The following NEK1 variants were observed in gnomAD, a reference collection of about 807,000 sequenced individuals.
NEK1 encodes NIMA related kinase 1.
NEK1 carries 137 observed loss-of-function variants against 182.1 expected under a neutral mutation model. The ratio of observed to expected loss-of-function variants is 0.75; its 90% confidence interval spans 0.65 to 0.87. The LOEUF (loss-of-function observed/expected upper bound fraction) is 0.87, where lower values mean the gene tolerates loss of function less well. Among genes scored for constraint, NEK1 ranks in the 40% least tolerant of loss-of-function variants. NEK1 has a pLI of 0.00. For missense variants in NEK1, 1,391 were observed against 1,494.4 expected, an observed-to-expected ratio of 0.93 and a Z score of 1.14; for synonymous variants, 513 against 492.2, an observed-to-expected ratio of 1.04 and a Z score of -0.56.
At chr4:169,529,268 T>C (rs1290994654) in intron 19 of NEK1, among the ~76,000 whole-genome samples, 1 of 150,772 alleles carries the variant, frequency 6.6e-6, no homozygotes, top group Non-Finnish European at 1.5e-5. Flanking sequence ...CATAGATATG[T>C]ATAACTATTA....
intron 26 of NEK1, among the ~76,000 whole-genome samples, chr4:169,465,454 T>C (rs974745726): frequency 6.6e-6 from 1 of 151,810 alleles, no homozygotes; most frequent in Non-Finnish European, 1.5e-5. Context: ...AAGATAGGAG[T>C]ACTGAAGTAA....
intron 5 of NEK1, among the ~76,000 whole-genome samples, chr4:169,596,464 T>C (rs1183929881): frequency 1.3e-5 from 2 of 152,132 alleles, no homozygotes; most frequent in Non-Finnish European, 2.9e-5. Context: ...AAGGCAAAAA[T>C]ACTGGTACAT....
rs570814273 is a variant in NEK1, at chr4:169,560,045, T to C, written c.1266+1435A>G. Among the ~76,000 whole-genome samples, 9 of 152,296 alleles carry C rather than the reference T, an allele frequency of 5.9e-5. No individual in the cohort carries two copies. The East Asian group carries it at 1.2e-3, about 20-fold the overall frequency. On this transcript the variant is annotated intron_variant, in intron 16 of 35. Coordinates refer to ENST00000507142, the MANE Select transcript of NEK1 (RefSeq NM_001199397.3). ...AAAGATGTATTGACTTACAGTTTAT[T>C]CAATGATACAAATTAGTGCATTCAT...
chr4:169,558,068 T>G (rs1244592316), intron 16 of NEK1, among the ~76,000 whole-genome samples: 1 of 152,170 alleles, frequency 6.6e-6, no homozygotes, highest in Non-Finnish European at 1.5e-5. Flanking sequence ...ATCCTCAAAA[T>G]GTACATCTGA....
intron 16 of NEK1, among the ~76,000 whole-genome samples, 193 bp downstream of exon 16, chr4:169,561,287 T>A (rs1271337550): frequency 2.0e-5 from 3 of 152,200 alleles, no homozygotes; most frequent in African/African-American, 7.2e-5. Context: ...TATAGTCACA[T>A]AACAGCAACA....
At chr4:169,524,814 T>C (rs1339872781) in intron 19 of NEK1, among the ~76,000 whole-genome samples, 3 of 152,226 alleles carry the variant, frequency 2.0e-5, no homozygotes, top group Admixed American at 6.5e-5. Context: ...ATGAACGTTA[T>C]GGGAAATTCT....
intron 27 of NEK1, among the ~76,000 whole-genome samples, 175 bp downstream of exon 27, chr4:169,463,068 C>A (rs980971123): frequency 1.3e-5 from 2 of 152,062 alleles, no homozygotes; most frequent in African/African-American, 4.8e-5. Flanking sequence ...AAACTCAAGA[C>A]TACCATTTGG....
chr4:169,409,048 A>G (rs967037386), intron 31 of NEK1, among the ~76,000 whole-genome samples: 1 of 152,190 alleles, frequency 6.6e-6, no homozygotes, highest in Non-Finnish European at 1.5e-5. Flanking sequence ...GAAACTCCAT[A>G]CTGTGTTCCA....
At chr4:169,510,026 T>A (rs1753924197) in intron 19 of NEK1, among the ~76,000 whole-genome samples, 1 of 152,200 alleles carries the variant, frequency 6.6e-6, no homozygotes, top group Non-Finnish European at 1.5e-5. Context: ...AAATGTTCTA[T>A]AATTCACACA....
rs369056831 is a variant in NEK1 at position 169,602,060 on chromosome 4, T to C, written c.162A>G (p.Val54=). 37 of 1,613,522 alleles carry C rather than the reference T, an allele frequency of 2.3e-5. No individual in the cohort carries two copies. In the African/African-American group the frequency reaches 3.6e-4, roughly 16 times the overall value. The change falls in exon 4 of 36, where the codon GTA becomes GTG. Residue 54 remains valine, a synonymous_variant. Transcript: ENST00000507142. ...EREESRREVA[V]LANMKHPNIV... is the part of the protein sequence containing the mutation. ...TATTTGGATGCTTCATGTTTGCCAA[T>C]ACTGCAACTTCTCTCCTTGATTCTT...
chr4:169,605,425 G>A (rs1771177338), intron 2 of NEK1, among the ~76,000 whole-genome samples: 1 of 152,144 alleles, frequency 6.6e-6, no homozygotes, highest in South Asian at 2.1e-4. Flanking sequence ...CAGGAAAACA[G>A]ACAAACTCTC....
intron 12 of NEK1, among the ~76,000 whole-genome samples, chr4:169,575,258 C>T (rs1334123810): frequency 1.2e-4 from 18 of 152,232 alleles, no homozygotes. Flanking sequence ...CCCCTCAGCT[C>T]CAAATCTACT....
chr4:169,488,543 TGTACCA>T (rs1314637146), intron 23 of NEK1, among the ~76,000 whole-genome samples: 3 of 152,218 alleles, frequency 2.0e-5, no homozygotes, highest in Non-Finnish European at 4.4e-5. Context: ...TGTCTATTTT[TGTACCA>T]GTACCATGCT....
rs116537790 is a variant in NEK1 at position 169,491,099 on chromosome 4, C to T, written c.2008-11565G>A. On this transcript the variant is annotated intron_variant, in intron 23 of 35. Coordinates refer to ENST00000507142, the MANE Select transcript of NEK1 (RefSeq NM_001199397.3). ...TGGAGGCTGCAGTGAGCCAAGATTA[C>T]GTCACTGCACTCCAGCAACAGAGGA... Among the ~76,000 whole-genome samples the T allele has an allele frequency of 5.5e-3, 672 of 121,598 alleles. 6 individuals are homozygous for T. Among genetic ancestry groups the T allele is most frequent in the African/African-American group, 0.018 (551 of 31,280 alleles). 79.8% of individuals were successfully genotyped at this position (121,598 alleles called of 152,430 possible). A position where few individuals can be genotyped will look rare whatever the true frequency, so the allele number is the denominator to read the frequency against.
chr4:169,426,343 C>T (rs1736389581), intron 29 of NEK1, 109 bp from the exon 30 acceptor site: 2 of 798,524 alleles, frequency 2.5e-6, no homozygotes, highest in African/African-American at 1.7e-5. Context: ...ATTCTTTGAT[C>T]CCTCTTCCAA....
Position 169,495,239 on chromosome 4 carries a change from C to CTTTT in NEK1, c.2007+11794_2007+11797dup, listed in dbSNP as rs774183115. Among the ~76,000 whole-genome samples the CTTTT allele has an allele frequency of 2.6e-3, 279 of 105,410 alleles. 1 individual carries two copies. The highest frequency in any genetic ancestry group is 4.6e-3 in the Non-Finnish European group (237 of 51,496). 69.2% of individuals were successfully genotyped at this position (105,410 alleles called of 152,430 possible). A position where few individuals can be genotyped will look rare whatever the true frequency, so the allele number is the denominator to read the frequency against. ...ATGGTTTTAGGTCTAACATTTAAGT[C>CTTTT]TTTTTTTTTTTTTTTTTTTTTTGAG... is the stretch of plus-strand genomic sequence containing the variant. On this transcript the variant is annotated intron_variant, in intron 23 of 35. Coordinates refer to ENST00000507142, the MANE Select transcript of NEK1 (RefSeq NM_001199397.3).
chr4:169,425,829 C>T (rs964670760), intron 30 of NEK1, among the ~76,000 whole-genome samples: 6 of 152,148 alleles, frequency 3.9e-5, no homozygotes, highest in Non-Finnish European at 8.8e-5. Flanking sequence ...ACCTTTCTTA[C>T]ATTTTAACTA....
chr4:169,548,273 C>A (rs912437839), intron 18 of NEK1, among the ~76,000 whole-genome samples: 2 of 152,224 alleles, frequency 1.3e-5, no homozygotes, highest in South Asian at 4.1e-4. Context: ...AGACTGTGTT[C>A]GCCTGGGTAT....
chr4:169,543,770 T>A (rs914585273), intron 18 of NEK1, among the ~76,000 whole-genome samples: 1 of 152,236 alleles, frequency 6.6e-6, no homozygotes, highest in African/African-American at 2.4e-5. Context: ...AGTTGACTCA[T>A]AATTTGGCTG....
Sources: gnomAD v4.1 joint callset for allele counts (sites outside exome capture counted in the v4.1 genomes callset) on GRCh38, gnomAD v4.1.1 for gene constraint, MANE v1.5 for transcripts, NCBI Gene and HGNC (gene_info 2026-07-23, HGNC 2026-07-21) for gene names.